The following GPR135 variants were observed in gnomAD, a reference collection of about 807,000 sequenced individuals.
GPR135 encodes the protein G-protein coupled receptor 135.
GPR135 carries 17 observed loss-of-function variants against 15.0 expected under a neutral mutation model. The observed-to-expected ratio is 1.13, with a 90% CI of 0.78 to 1.70. The LOEUF is 1.70. GPR135 is among the 40% of genes most tolerant of loss of function. The pLI, the probability that GPR135 is intolerant of heterozygous loss-of-function variation, is 0.00. For missense variants in GPR135, 776 were observed against 727.0 expected (o/e 1.07, Z -0.78); for synonymous variants, 368 against 349.4 (o/e 1.05, Z -0.59).
At position 59,464,415 on chromosome 14, in the gene GPR135, G is replaced by T. The variant is rs749587512; in HGVS notation, c.812C>A (p.Ala271Glu). The T allele has an allele frequency of 3.1e-5, 50 of 1,588,558 alleles. No individual in the cohort carries two copies. Among genetic ancestry groups the T allele is most frequent in the Non-Finnish European group, 3.9e-5 (46 of 1,169,098 alleles). ...GCLYRTSPDP[A>E]QLGAAFSVGL... is the part of the protein sequence containing the mutation. ...CACGCTGAAGGCCGCGCCCAGCTGC[G>T]CGGGGTCCGGGGAGGTCCGGTAGAG... Residue 271 changes from alanine to glutamate, a missense_variant, in exon 1 of 1, where the codon GCG (alanine) becomes GAG (glutamate). Transcript: ENST00000395116.
chr14:59,464,697 G>A lies in GPR135; in HGVS notation c.530C>T (p.Ala177Val). 6.4e-7 allele frequency: 1 copy of A among 1,572,904 alleles called. No individual in the cohort carries two copies. The highest frequency in any genetic ancestry group is 1.1e-5 in the South Asian group (1 of 87,650). Residue 177 changes from alanine (A) to valine (V), a missense_variant, in exon 1 of 1, where the codon GCG (alanine) becomes GTG (valine). By Grantham distance (64) the Ala-to-Val change is moderately conservative. Transcript: ENST00000395116. ...GGCGCAGAAGCCGCGCCAGGGCCCC[G>A]CGGCGGCGGCAGGCGCCGAACCCCC... Reference protein sequence around the residue: ...PPGGSAPAAAAGPWRGFCAAS... With the variant: ...PPGGSAPAAAVGPWRGFCAAS...
rs1445048495 is a variant in GPR135 at position 59,464,811 on chromosome 14, T to C, written c.416A>G (p.Asn139Ser). 1.1e-5 allele frequency: 17 copies of C among 1,582,478 alleles called. No individual in the cohort carries two copies. In the Admixed American group the frequency reaches 3.1e-4, roughly 29 times the overall value. Residue 139 changes from asparagine to serine, a missense_variant, in exon 1 of 1, where the codon AAC (asparagine) becomes AGC (serine). By Grantham distance (46) the Asn-to-Ser change is conservative. Transcript: ENST00000395116. ...TAGGGACAGCGACAGGATGAAGGCG[T>C]TGGTGACGGTGCGGAGCTGCCGGTG... The part of the protein sequence containing the change: ...VKHRQLRTVT[N>S]AFILSLSLSD...
intron 6 of GPR135, among the ~76,000 whole-genome samples, chr14:59,452,997 G>C (rs776203047): frequency 6.6e-6 from 1 of 152,162 alleles, no homozygotes; most frequent in Non-Finnish European, 1.5e-5. Flanking sequence ...CCTACGGTAT[G>C]ATTCCAACTA....
At position 59,464,914 on chromosome 14, in the gene GPR135, C is replaced by T. The variant is rs750399354; in HGVS notation, c.313G>A (p.Ala105Thr). 4 of 1,601,108 alleles carry T rather than the reference C, an allele frequency of 2.5e-6. No individual in the cohort carries two copies. The highest frequency in any genetic ancestry group is 2.6e-6 in the Non-Finnish European group (3 of 1,174,902). ...PLLSHGAAVA[A>T]QALVLLLIFL... The stretch of plus-strand genomic sequence containing the variant: ...ATGAGCAGGAGGACGAGCGCCTGGG[C>T]CGCCACTGCAGCTCCGTGCGACAGC... Residue 105 changes from alanine (A) to threonine (T), a missense_variant, in exon 1 of 1, where the codon GCC becomes ACC. Physicochemically the swap from Ala to Thr is moderately conservative, Grantham distance 58. Transcript: ENST00000395116.
At chr14:59,455,105 A>C (rs1038265127) in intron 6 of GPR135, among the ~76,000 whole-genome samples, 1 of 152,124 alleles carries the variant, frequency 6.6e-6, no homozygotes, top group Non-Finnish European at 1.5e-5. Flanking sequence ...TCTCAAAAAA[A>C]AAAAAAATCA....
downstream of GPR135, among the ~76,000 whole-genome samples, chr14:59,456,903 A>G (rs1225615328): frequency 6.6e-6 from 1 of 152,198 alleles, no homozygotes; most frequent in Non-Finnish European, 1.5e-5. Flanking sequence ...ATAGTATGCT[A>G]ACTTTTCTGT....
At position 59,460,866 on chromosome 14, in the gene GPR135, G is replaced by A. The variant is rs574749168; in HGVS notation, c.*2876C>T. The A allele has an allele frequency of 6.6e-6, 1 of 152,192 alleles. No individual in the cohort carries two copies. Among genetic ancestry groups the A allele is most frequent in the African/African-American group, 2.4e-5 (1 of 41,438 alleles). The allele number at this position is 152,192 out of a possible 1,614,324, so 9.4% of individuals were successfully genotyped here. ...ATTGCATACTCATAGTAAGCACAAC[G>A]AAAGGTCGAAGTCTTAGATTATTTT... On this transcript the variant is annotated 3_prime_UTR_variant, in exon 1 of 1. Coordinates refer to ENST00000395116, the MANE Select transcript of GPR135 (RefSeq NM_022571.6).
At chr14:59,458,718 T>A (rs931916787), downstream of GPR135, 2 of 152,174 alleles carry the variant, frequency 1.3e-5, no homozygotes, top group African/African-American at 4.8e-5. Context: ...AAGCATGAAA[T>A]CTCAGTCCTA....
Position 59,463,903 on chromosome 14 carries a change from T to G in GPR135, c.1324A>C (p.Asn442His), listed in dbSNP as rs749252668. The part of the protein sequence containing the change: ...NRYANRLGAC[N>H]RMSSSNPASG... The stretch of plus-strand genomic sequence containing the variant: ...GCCGGGTTGGAAGAGGACATCCTGT[T>G]GCAGGCCCCCAGCCGGTTGGCATAG... The change falls in exon 1 of 1, where the codon AAC becomes CAC. Residue 442 changes from asparagine (N) to histidine (H), a missense_variant. Asn to His is a moderately conservative substitution (Grantham distance 68). Transcript: ENST00000395116. The G allele has an allele frequency of 1.2e-4, 186 of 1,614,014 alleles. No individual in the cohort carries two copies. The highest frequency in any genetic ancestry group is 1.5e-4 in the Non-Finnish European group (178 of 1,179,980).
In GPR135 at chr14:59,463,815, C is replaced by T. The variant is rs773869142; in HGVS notation, c.1412G>A (p.Arg471Gln). 12 of 1,613,986 alleles carry T rather than the reference C, an allele frequency of 7.4e-6. No individual in the cohort carries two copies. In the African/African-American group the frequency reaches 9.3e-5, roughly 13 times the overall value. The change falls in exon 1 of 1, where the codon CGA becomes CAA. Residue 471 changes from arginine to glutamine, a missense_variant. Physicochemically the swap from Arg to Gln is conservative, Grantham distance 43. Coordinates refer to ENST00000395116, the MANE Select transcript of GPR135 (RefSeq NM_022571.6). ...ARKNPVVLFC[R>Q]EGPPEPVTAV... ...CGTCACCGGCTCTGGTGGTCCCTCT[C>T]GGCAGAAAAGTACAACTGGATTTTT...
At chr14:59,460,550 A>T (rs1322957911), downstream of GPR135, 1 of 152,226 alleles carries the variant, frequency 6.6e-6, no homozygotes, top group Non-Finnish European at 1.5e-5. Context: ...AGCACTTACT[A>T]GCTGTGTGAT....
In GPR135 at chr14:59,465,003, G is replaced by T; in HGVS notation, c.224C>A (p.Ser75Tyr). The T allele has an allele frequency of 7.2e-7, 1 of 1,390,032 alleles. No homozygotes were observed. Among genetic ancestry groups the T allele is most frequent in the African/African-American group, 1.5e-5 (1 of 65,890 alleles). 86.1% of individuals were successfully genotyped at this position (1,390,032 alleles called of 1,614,324 possible). A position where few individuals can be genotyped will look rare whatever the true frequency, so the allele number is the denominator to read the frequency against. Residue 75 changes from serine (S) to tyrosine (Y), a missense_variant, in exon 1 of 1, where the codon TCC becomes TAC. Transcript: ENST00000395116. Reference sequence around the variant, plus strand: ...CGCCCCCGCCTCCCGCGCTGCCCCGGACCCGCCAAGGCCGCCGCCACCGGG... The same window carrying T: ...CGCCCCCGCCTCCCGCGCTGCCCCGTACCCGCCAAGGCCGCCGCCACCGGG... ...AAPGGGGLGGSGAAREAGAAV... is the reference protein window; with the variant it reads ...AAPGGGGLGGYGAAREAGAAV...
downstream of GPR135, among the ~76,000 whole-genome samples, chr14:59,460,155 G>C (rs910181024): frequency 3.9e-5 from 6 of 152,142 alleles, no homozygotes; most frequent in African/African-American, 1.4e-4. Context: ...AGGGTGGAAG[G>C]GCCAGGCAAG....
At chr14:59,454,115 A>C (rs1353199390) in intron 6 of GPR135, among the ~76,000 whole-genome samples, 2 of 152,234 alleles carry the variant, frequency 1.3e-5, no homozygotes, top group African/African-American at 4.8e-5. Context: ...CATTTGAGTC[A>C]GTGGGCTAGG....
intron 6 of GPR135, among the ~76,000 whole-genome samples, chr14:59,452,895 A>C (rs966722777): frequency 4.6e-5 from 7 of 152,202 alleles, no homozygotes; most frequent in African/African-American, 1.7e-4. Context: ...GAATATTAGC[A>C]CTAAAAGGAA....
Position 59,464,671 on chromosome 14 carries a change from C to T in GPR135, c.556G>A (p.Ala186Thr), listed in dbSNP as rs770489525. 5.0e-6 allele frequency: 8 copies of T among 1,586,582 alleles called. No individual in the cohort carries two copies. The African/African-American group carries it at 5.4e-5, about 11-fold the overall frequency. The change falls in exon 1 of 1, where the codon GCC becomes ACC. Residue 186 changes from alanine (A) to threonine (T), a missense_variant. Ala to Thr is a moderately conservative substitution (Grantham distance 58). Coordinates refer to ENST00000395116, the MANE Select transcript of GPR135 (RefSeq NM_022571.6). ...AAGPWRGFCA[A>T]SRFFSSCFGI... ...AAGCACGAGCTGAAGAAGCGGCTGG[C>T]GGCGCAGAAGCCGCGCCAGGGCCCC...
At chr14:59,457,631 A>C (rs1328046897), downstream of GPR135, among the ~76,000 whole-genome samples, 1 of 152,166 alleles carries the variant, frequency 6.6e-6, no homozygotes, top group Non-Finnish European at 1.5e-5. Context: ...TAATTTTAGT[A>C]ATTGTAATTT....
Position 59,462,926 on chromosome 14 carries a change from T to G in GPR135, c.*816A>C, listed in dbSNP as rs1888920814. 3 of 152,234 alleles carry G rather than the reference T, an allele frequency of 2.0e-5. No homozygotes were observed. The South Asian group carries it at 6.2e-4, about 32-fold the overall frequency. The allele number at this position is 152,234 out of a possible 1,614,324, so 9.4% of individuals were successfully genotyped here. On this transcript the variant is annotated 3_prime_UTR_variant, in exon 1 of 1. Coordinates refer to ENST00000395116, the MANE Select transcript of GPR135 (RefSeq NM_022571.6). ...TATTTTTTTAAATGTGAAAGCATTC[T>G]GAGAGCAGCATTCCAAAATTTATCA...
In GPR135 at chr14:59,465,186, G is replaced by A. The variant is rs574822442; in HGVS notation, c.41C>T (p.Ala14Val). ...PQPPRPPASMALLGSQHSGAP... is the reference protein window; with the variant it reads ...PQPPRPPASMVLLGSQHSGAP... ...GCCGGAGTGCTGGCTGCCCAGTAAG[G>A]CCATGCTCGCTGGTGGGCGGGGCGG... Residue 14 changes from alanine to valine, a missense_variant, in exon 1 of 1, where the codon GCC becomes GTC. Transcript: ENST00000395116. The A allele has an allele frequency of 3.1e-5, 39 of 1,272,762 alleles. 1 individual carries two copies. Among genetic ancestry groups the A allele is most frequent in the African/African-American group, 2.5e-4 (16 of 64,612 alleles). 78.8% of individuals were successfully genotyped at this position (1,272,762 alleles called of 1,614,324 possible).
Sources: gnomAD v4.1 joint callset for allele counts (sites outside exome capture counted in the v4.1 genomes callset) on GRCh38, gnomAD v4.1.1 for gene constraint, MANE v1.5 for transcripts, NCBI Gene and HGNC (gene_info 2026-07-23, HGNC 2026-07-21) for gene names.